The following DNAH9 variants were observed in gnomAD, a reference collection of about 807,000 sequenced individuals.
DNAH9 encodes DNAH9 variant protein.
Under a neutral mutation model 471.6 loss-of-function variants are expected in DNAH9, and 345 were observed. That is an observed-to-expected ratio of 0.73 (90% CI 0.67 to 0.80). DNAH9 has a LOEUF of 0.80. Among genes scored for constraint, DNAH9 ranks in the 30% least tolerant of loss-of-function variants. DNAH9 has a pLI of 0.00. For synonymous variants in DNAH9, 2,093 were observed against 2,123.6 expected (o/e 0.99, Z 0.40); for missense variants, 5,407 against 5,609.2 (o/e 0.96, Z 1.15).
rs2074121812 is a variant in DNAH9, at chr17:11,680,861, G to A, written c.3715G>A (p.Glu1239Lys). ...AFDAEQQQFW[E>K]QFHKEAPFRF... is the part of the protein sequence containing the mutation. ...CGATGCAGAACAGCAGCAATTCTGG[G>A]AGCAATTCCACAAAGAAGCCCCGTT... The change falls in exon 19 of 69, where the codon GAG (glutamate) becomes AAG (lysine). Residue 1239 changes from glutamate (E) to lysine (K), a missense_variant. Transcript: ENST00000262442. The A allele has an allele frequency of 3.7e-6, 6 of 1,612,706 alleles. No homozygotes were observed. The highest frequency in any genetic ancestry group is 5.1e-6 in the Non-Finnish European group (6 of 1,179,514).
chr17:11,836,283 G>C (rs1970848938), intron 49 of DNAH9, among the ~76,000 whole-genome samples: 1 of 152,154 alleles, frequency 6.6e-6, no homozygotes, highest in South Asian at 2.1e-4. Context: ...TTGGAATGTA[G>C]CATCTATTGC....
chr17:11,720,372 G>A (rs1480651622), intron 27 of DNAH9, among the ~76,000 whole-genome samples: 4 of 151,736 alleles, frequency 2.6e-5, no homozygotes, highest in African/African-American at 9.7e-5. Flanking sequence ...TATATTAGTT[G>A]TATCTCCTAA....
intron 25 of DNAH9, 24 bp from the exon 26 acceptor site, chr17:11,705,001 C>T (rs2074674618): frequency 3.1e-6 from 5 of 1,610,758 alleles, no homozygotes; most frequent in Middle Eastern, 1.6e-4. Context: ...GATTCACCCA[C>T]CTACTCTACC....
At chr17:11,686,845 G>A (rs968248299) in intron 19 of DNAH9, among the ~76,000 whole-genome samples, 2 of 152,124 alleles carry the variant, frequency 1.3e-5, no homozygotes, top group African/African-American at 4.8e-5. Flanking sequence ...TTCCTAAATG[G>A]TGTTCCACTA....
chr17:11,853,665 C>A (rs367610938), intron 49 of DNAH9, among the ~76,000 whole-genome samples: 5 of 152,144 alleles, frequency 3.3e-5, no homozygotes, highest in African/African-American at 7.2e-5. Context: ...ATAACCTTAT[C>A]TTTTATTCAT....
At chr17:11,820,738 T>C (rs1392945058) in intron 45 of DNAH9, among the ~76,000 whole-genome samples, 1 of 152,242 alleles carries the variant, frequency 6.6e-6, no homozygotes. Context: ...TTGTTCTTTG[T>C]ATTTTGCTAT....
At chr17:11,638,865 A>G (rs539513750) in intron 9 of DNAH9, among the ~76,000 whole-genome samples, 1 of 152,310 alleles carries the variant, frequency 6.6e-6, no homozygotes, top group African/African-American at 2.4e-5. Flanking sequence ...TCATGACTAT[A>G]GGAGTGAGGT....
chr17:11,622,079 C>T (rs1369755599), intron 6 of DNAH9, among the ~76,000 whole-genome samples: 14 of 122,482 alleles, frequency 1.1e-4, no homozygotes, highest in African/African-American at 2.9e-4. Context: ...AGCGAGACTC[C>T]GTCTCAAAAA....
chr17:11,633,820 G>T (rs2073111347), intron 8 of DNAH9, among the ~76,000 whole-genome samples: 1 of 152,210 alleles, frequency 6.6e-6, no homozygotes, highest in Admixed American at 6.5e-5. Flanking sequence ...AGATGTTCAG[G>T]AGTCTTCAAG....
At chr17:11,915,133 C>T (rs1052430108) in intron 61 of DNAH9, among the ~76,000 whole-genome samples, 3 of 152,218 alleles carry the variant, frequency 2.0e-5, no homozygotes, top group Admixed American at 6.5e-5. Flanking sequence ...CCTAGCTCAT[C>T]TCCACTCTTC....
intron 11 of DNAH9, among the ~76,000 whole-genome samples, chr17:11,645,973 G>A (rs549335548): frequency 3.3e-4 from 49 of 147,940 alleles, no homozygotes; most frequent in Non-Finnish European, 5.8e-4. Flanking sequence ...TCCGCCTCCC[G>A]GGTTCACGCC....
At chr17:11,832,852 G>T (rs73980513) in intron 48 of DNAH9, among the ~76,000 whole-genome samples, 1 of 152,130 alleles carries the variant, frequency 6.6e-6, no homozygotes, top group Non-Finnish European at 1.5e-5. Flanking sequence ...TTTATGGGCC[G>T]TATTGCAAAT....
At chr17:11,735,382 A>G (rs2075328470) in intron 28 of DNAH9, among the ~76,000 whole-genome samples, 2 of 152,028 alleles carry the variant, frequency 1.3e-5, no homozygotes, top group African/African-American at 4.8e-5. Context: ...TTCCCAGTTG[A>G]GAACACCGGT....
intron 61 of DNAH9, among the ~76,000 whole-genome samples, chr17:11,920,860 G>A (rs372748038): frequency 6.6e-6 from 1 of 152,060 alleles, no homozygotes; most frequent in African/African-American, 2.4e-5. Context: ...GGGGTTTTTA[G>A]TCGGGTGCAA....
intron 1 of DNAH9, among the ~76,000 whole-genome samples, chr17:11,599,882 C>G (rs1471079679): frequency 6.6e-6 from 1 of 152,194 alleles, no homozygotes; most frequent in Non-Finnish European, 1.5e-5. Context: ...CTCCAAGGAG[C>G]TGAAACGTAT....
chr17:11,813,585 C>T (rs568852299), intron 45 of DNAH9, among the ~76,000 whole-genome samples: 2 of 152,266 alleles, frequency 1.3e-5, no homozygotes, highest in South Asian at 4.1e-4. Context: ...TAGTTATGTA[C>T]AAGTCCTACG....
chr17:11,628,872 T>G (rs1434755777), intron 6 of DNAH9, among the ~76,000 whole-genome samples: 1 of 152,184 alleles, frequency 6.6e-6, no homozygotes, highest in Non-Finnish European at 1.5e-5. Flanking sequence ...TATTTATGTA[T>G]GTATATATTT....
At chr17:11,763,770 A>G (rs985403709) in intron 36 of DNAH9, among the ~76,000 whole-genome samples, 156 bp downstream of exon 36, 2 of 152,216 alleles carry the variant, frequency 1.3e-5, no homozygotes, top group Admixed American at 1.3e-4. Flanking sequence ...TGCTAAAGAC[A>G]TCAGTTGTCC....
intron 32 of DNAH9, among the ~76,000 whole-genome samples, chr17:11,749,691 T>C (rs12449476): frequency 0.75 from 113,283 of 151,830 alleles, 42,854 homozygotes; most frequent in East Asian, 0.92. Flanking sequence ...TATTTCCTTC[T>C]AGATGGATAA....
Sources: gnomAD v4.1 joint callset for allele counts (sites outside exome capture counted in the v4.1 genomes callset) on GRCh38, gnomAD v4.1.1 for gene constraint, MANE v1.5 for transcripts, NCBI Gene and HGNC (gene_info 2026-07-23, HGNC 2026-07-21) for gene names.